IPMK: variants seen among roughly 807,000 people sequenced by gnomAD.
IPMK encodes inositol 1,3,4,6-tetrakisphosphate 5-kinase.
IPMK carries 17 observed loss-of-function variants against 45.8 expected under a neutral mutation model. That is an observed-to-expected ratio of 0.37 (90% CI 0.25 to 0.56). IPMK has a LOEUF of 0.56. Among genes scored for constraint, IPMK ranks in the 20% least tolerant of loss-of-function variants. The pLI, the probability that IPMK is intolerant of heterozygous loss-of-function variation, is 0.79. For synonymous variants in IPMK, 180 were observed against 184.3 expected (o/e 0.98, Z 0.19); for missense variants, 399 against 498.0 (o/e 0.80, Z 1.89).
chr10:58,229,519 C>A (rs1357412589), intron 2 of IPMK, among the ~76,000 whole-genome samples: 4 of 139,082 alleles, frequency 2.9e-5, no homozygotes, highest in Non-Finnish European at 4.5e-5. Context: ...GCAGAGACTG[C>A]GCCACTGCAC....
At chr10:58,259,875 A>C (rs1839036775) in intron 1 of IPMK, among the ~76,000 whole-genome samples, 1 of 152,062 alleles carries the variant, frequency 6.6e-6, no homozygotes, top group African/African-American at 2.4e-5. Context: ...AACACGAATG[A>C]TAGTTAGAAT....
chr10:58,247,685 T>C (rs1838822646), intron 1 of IPMK, among the ~76,000 whole-genome samples: 1 of 152,112 alleles, frequency 6.6e-6, no homozygotes, highest in Non-Finnish European at 1.5e-5. Flanking sequence ...GGGATAGCAT[T>C]GGGAGATATA....
rs2132138012 is a variant in IPMK at position 58,192,669 on chromosome 10, A to T, written c.*3407T>A. ...CACAGTTGTAATACTGGGGGCTAAAAATGCTTAATACATGGCATAAATCCA... is the reference window on the plus strand; with the variant it reads ...CACAGTTGTAATACTGGGGGCTAAATATGCTTAATACATGGCATAAATCCA... On this transcript the variant is annotated 3_prime_UTR_variant, in exon 6 of 6. Transcript: ENST00000373935. 1 of 152,136 alleles carries T rather than the reference A, an allele frequency of 6.6e-6. No homozygotes were observed. The highest frequency in any genetic ancestry group is 6.6e-5 in the Admixed American group (1 of 15,258). The allele number at this position is 152,136 out of a possible 1,614,324, so 9.4% of individuals were successfully genotyped here.
At chr10:58,245,403 G>A (rs1057090595) in intron 1 of IPMK, among the ~76,000 whole-genome samples, 2 of 151,888 alleles carry the variant, frequency 1.3e-5, no homozygotes, top group Non-Finnish European at 2.9e-5. Context: ...CACGAGGTCA[G>A]GAGTTCAAAA....
chr10:58,209,632 C>G (rs975718506), intron 4 of IPMK, among the ~76,000 whole-genome samples: 2 of 152,206 alleles, frequency 1.3e-5, no homozygotes, highest in African/African-American at 2.4e-5. Flanking sequence ...GATAACAGCA[C>G]CTGCTCTAGT....
At chr10:58,213,406 T>C (rs760689063) in intron 4 of IPMK, among the ~76,000 whole-genome samples, 21 of 152,282 alleles carry the variant, frequency 1.4e-4, no homozygotes, top group Non-Finnish European at 2.6e-4. Flanking sequence ...AAATAGAGGC[T>C]GGGCGCGGTG....
At chr10:58,238,300 C>T (rs907389178) in intron 1 of IPMK, among the ~76,000 whole-genome samples, 2 of 152,196 alleles carry the variant, frequency 1.3e-5, no homozygotes, top group Admixed American at 6.5e-5. Context: ...TTTGCTGATT[C>T]AAATGCACTG....
intron 1 of IPMK, among the ~76,000 whole-genome samples, chr10:58,251,998 T>A (rs1006425727): frequency 1.3e-5 from 2 of 152,230 alleles, no homozygotes; most frequent in African/African-American, 4.8e-5. Context: ...TAGGTAAGGG[T>A]TTACTACTGC....
At chr10:58,255,066 A>T (rs1051664022) in intron 1 of IPMK, among the ~76,000 whole-genome samples, 1 of 152,226 alleles carries the variant, frequency 6.6e-6, no homozygotes, top group Admixed American at 6.5e-5. Context: ...CCATGCAAGC[A>T]CCTGGGCTTT....
intron 1 of IPMK, among the ~76,000 whole-genome samples, chr10:58,245,536 C>A (rs939308342): frequency 6.7e-6 from 1 of 149,386 alleles, no homozygotes; most frequent in African/African-American, 2.5e-5. Context: ...CGCTTGAACA[C>A]AGGAGGCGGA....
chr10:58,216,449 T>C, intron 3 of IPMK, 132 bp from the exon 4 acceptor site: 1 of 441,906 alleles, frequency 2.3e-6, no homozygotes. Context: ...TCAATAATTA[T>C]TCTTAACTCT....
intron 1 of IPMK, among the ~76,000 whole-genome samples, chr10:58,266,298 G>T (rs1839146298): frequency 6.6e-6 from 1 of 152,164 alleles, no homozygotes; most frequent in African/African-American, 2.4e-5. Context: ...AAAAGTAGTG[G>T]AAAATGTCGC....
At chr10:58,199,850 G>A (rs550302062) in intron 4 of IPMK, among the ~76,000 whole-genome samples, 37 of 151,944 alleles carry the variant, frequency 2.4e-4, no homozygotes, top group Admixed American at 1.6e-3. Context: ...TATATGACAC[G>A]GCATTTGAAT....
chr10:58,230,244 A>G (rs1270953430), intron 2 of IPMK, among the ~76,000 whole-genome samples: 2 of 152,196 alleles, frequency 1.3e-5, no homozygotes, highest in East Asian at 3.9e-4. Context: ...ACAAAAGGCA[A>G]CAGACAACTT....
chr10:58,256,117 AG>A (rs1838963763), intron 1 of IPMK, among the ~76,000 whole-genome samples: 2 of 152,222 alleles, frequency 1.3e-5, no homozygotes, highest in African/African-American at 4.8e-5. Context: ...TGAAAAGAAC[AG>A]GGTAACAGCA....
rs377693523 is a variant in IPMK, at chr10:58,267,480, G to T, written c.132C>A (p.Asn44Lys). The change falls in exon 1 of 6, where the codon AAC becomes AAA. Residue 44 changes from asparagine (N) to lysine (K), a missense_variant. By Grantham distance (94) the Asn-to-Lys change is moderately conservative (BLOSUM62 0). Transcript: ENST00000373935. ...CCTGATGCGAGAGGGGCACGCAGCC[G>T]TTGAGGAAGCGGAGTCTGCCGCCCG... ...QPAGGRLRFL[N>K]GCVPLSHQVA... The T allele has an allele frequency of 2.5e-6, 4 of 1,613,706 alleles. No homozygotes were observed. Among genetic ancestry groups the T allele is most frequent in the African/African-American group, 1.3e-5 (1 of 74,930 alleles).
chr10:58,216,278 T>A lies in IPMK; in HGVS notation c.413A>T (p.Asn138Ile), dbSNP rs145577988. The change falls in exon 4 of 6, where the codon AAT becomes ATT. Residue 138 changes from asparagine (N) to isoleucine (I), a missense_variant. By Grantham distance (149) the Asn-to-Ile change is moderately radical (BLOSUM62 -3). Around this residue, in one of 2 missense-constraint regions of IPMK, gnomAD observed 288 missense variants for 398.0 expected, o/e 0.72. Transcript: ENST00000373935. ...LKLEDVTHKF[N>I]KPCIMDVKIG... ...CTTTACATCCATTATACAGGGCTTA[T>A]TAAATTTATGGGTCACATCTTCCAG... is the stretch of plus-strand genomic sequence containing the variant. 39 of 1,588,190 alleles carry A rather than the reference T, an allele frequency of 2.5e-5. No individual in the cohort carries two copies. The African/African-American group carries it at 4.9e-4, about 20-fold the overall frequency.
chr10:58,196,964 A>T (rs1170165032), intron 5 of IPMK, among the ~76,000 whole-genome samples: 2 of 152,200 alleles, frequency 1.3e-5, no homozygotes, highest in Non-Finnish European at 2.9e-5. Context: ...AATTTATTAC[A>T]GGTAGACTGG....
At chr10:58,234,844 C>T (rs1838583815) in intron 2 of IPMK, among the ~76,000 whole-genome samples, 1 of 152,156 alleles carries the variant, frequency 6.6e-6, no homozygotes, top group South Asian at 2.1e-4. Flanking sequence ...AGAGCTTCTG[C>T]ATGGCAAAAG....
Sources: gnomAD v4.1 joint callset for allele counts (sites outside exome capture counted in the v4.1 genomes callset) on GRCh38, gnomAD v4.1.1 for gene constraint, gnomAD v4.1.1 regional missense constraint, MANE v1.5 for transcripts, NCBI Gene and HGNC (gene_info 2026-07-23, HGNC 2026-07-21) for gene names.